The following DPYS variants were observed in gnomAD, a reference collection of about 807,000 sequenced individuals.
DPYS encodes dihydropyrimidinase.
DPYS carries 39 observed loss-of-function variants against 50.3 expected under a neutral mutation model. The observed-to-expected ratio is 0.78, with a 90% CI of 0.60 to 1.01. DPYS has a LOEUF of 1.01. Among genes scored for constraint, DPYS ranks in the 50% least tolerant of loss-of-function variants. DPYS has a pLI of 0.00. For missense variants in DPYS, 659 were observed against 680.9 expected, an observed-to-expected ratio of 0.97 and a Z score of 0.36; for synonymous variants, 245 against 250.7, an observed-to-expected ratio of 0.98 and a Z score of 0.22.
chr8:104,417,216 G>T (rs1812397938), intron 7 of DPYS, among the ~76,000 whole-genome samples: 1 of 152,230 alleles, frequency 6.6e-6, no homozygotes, highest in Non-Finnish European at 1.5e-5. Flanking sequence ...CTGTGTGTTT[G>T]TGTGCTTGAG....
chr8:104,458,794 T>C (rs545136683), intron 1 of DPYS, among the ~76,000 whole-genome samples: 51 of 152,344 alleles, frequency 3.3e-4, no homozygotes, highest in Non-Finnish European at 5.7e-4. Flanking sequence ...TCTATGAACA[T>C]GTTAATATGG....
At chr8:104,411,907 T>A (rs1041170474) in intron 7 of DPYS, 1 of 151,320 alleles carries the variant, frequency 6.6e-6, no homozygotes, top group East Asian at 1.9e-4. Context: ...AACCTCAGCA[T>A]AAAAAAAAAT....
At chr8:104,380,939 T>C in intron 9 of DPYS, 2 of 437,186 alleles carry the variant, frequency 4.6e-6, no homozygotes, top group South Asian at 4.4e-5. Flanking sequence ...TAGTTGATTA[T>C]CCAAGGCTGT....
intron 7 of DPYS, among the ~76,000 whole-genome samples, chr8:104,409,416 C>G (rs2140567245): frequency 6.6e-6 from 1 of 151,962 alleles, no homozygotes; most frequent in East Asian, 2.0e-4. Flanking sequence ...ACTAGGGAGG[C>G]AGAGATTGCA....
chr8:104,435,501 T>TG (rs1813107652), intron 4 of DPYS, among the ~76,000 whole-genome samples: 1 of 151,610 alleles, frequency 6.6e-6, no homozygotes, highest in Non-Finnish European at 1.5e-5. Flanking sequence ...TTTTTCCCAT[T>TG]GAAAGTAATG....
In DPYS at chr8:104,444,416, G is replaced by C. The variant is rs1355771541; in HGVS notation, c.625C>G (p.Leu209Val). 3.7e-6 allele frequency: 6 copies of C among 1,614,084 alleles called. No homozygotes were observed. Among genetic ancestry groups the C allele is most frequent in the Non-Finnish European group, 5.1e-6 (6 of 1,180,048 alleles). ...IAEGAKKMLA[L>V]GITGPEGHEL... ...TGGCCCTCAGGGCCTGTTATCCCCA[G>C]AGCCAACATCTTCTTTGCTCCCTAA... is the stretch of plus-strand genomic sequence containing the variant. Residue 209 changes from leucine (L) to valine (V), a missense_variant, in exon 4 of 10, where the codon CTG becomes GTG. Coordinates refer to ENST00000351513, the MANE Select transcript of DPYS (RefSeq NM_001385.3).
chr8:104,435,583 A>C (rs2140670257), intron 4 of DPYS, among the ~76,000 whole-genome samples: 1 of 152,046 alleles, frequency 6.6e-6, no homozygotes, highest in African/African-American at 2.4e-5. Context: ...TTAAGCATGA[A>C]ATGGGCATTC....
rs747270672 is a variant in DPYS at position 104,444,262 on chromosome 8, T to A, written c.779A>T (p.Asp260Val). ...MSKSAAKVIADARRDGKVVYG... is the reference protein window; with the variant it reads ...MSKSAAKVIAVARRDGKVVYG... Reference sequence around the variant, plus strand: ...TCGAGAATTACCATCTCTCCTTGCATCCGCTATCACCTTAGCTGCAGACTT... The same window carrying A: ...TCGAGAATTACCATCTCTCCTTGCAACCGCTATCACCTTAGCTGCAGACTT... Residue 260 changes from aspartate (D) to valine (V), a missense_variant, in exon 4 of 10, where the codon GAT becomes GTT. By Grantham distance (152) the Asp-to-Val change is radical (BLOSUM62 -3). Coordinates refer to ENST00000351513, the MANE Select transcript of DPYS (RefSeq NM_001385.3). The A allele has an allele frequency of 2.5e-6, 4 of 1,614,106 alleles. No individual in the cohort carries two copies. The highest frequency in any genetic ancestry group is 3.4e-6 in the Non-Finnish European group (4 of 1,180,052).
intron 8 of DPYS, among the ~76,000 whole-genome samples, chr8:104,389,690 G>A (rs748420873): frequency 6.6e-6 from 1 of 151,910 alleles, no homozygotes; most frequent in Non-Finnish European, 1.5e-5. Flanking sequence ...CTGTAAAATG[G>A]GAACAATAAT....
chr8:104,417,608 A>G (rs1172570575), intron 7 of DPYS, among the ~76,000 whole-genome samples: 5 of 144,576 alleles, frequency 3.5e-5, no homozygotes, highest in Admixed American at 6.8e-5. Context: ...GTAGTGAAGC[A>G]GTAGGACACA....
chr8:104,397,728 T>C (rs1035574997), intron 7 of DPYS, among the ~76,000 whole-genome samples: 6 of 152,218 alleles, frequency 3.9e-5, no homozygotes, highest in Admixed American at 6.5e-5. Context: ...ATTTCCAAGA[T>C]GATAATGCTG....
chr8:104,410,952 C>G (rs1312707079), intron 7 of DPYS, among the ~76,000 whole-genome samples: 1 of 152,114 alleles, frequency 6.6e-6, no homozygotes, highest in Non-Finnish European at 1.5e-5. Flanking sequence ...TGCAAAGCCC[C>G]TTCCCAAGCC....
At chr8:104,409,003 G>A (rs1009943133) in intron 7 of DPYS, among the ~76,000 whole-genome samples, 3 of 151,550 alleles carry the variant, frequency 2.0e-5, no homozygotes, top group Non-Finnish European at 4.4e-5. Context: ...TAGTAGAGAC[G>A]AGGTTTCACC....
intron 1 of DPYS, among the ~76,000 whole-genome samples, chr8:104,461,156 G>T (rs1051439488): frequency 3.3e-5 from 5 of 150,876 alleles, no homozygotes; most frequent in African/African-American, 9.7e-5. Context: ...AGCTGGGCAT[G>T]GTGGCGTGCA....
At chr8:104,423,965 C>T (rs1218062878) in intron 7 of DPYS, 2 of 984,372 alleles carry the variant, frequency 2.0e-6, no homozygotes, top group African/African-American at 3.5e-5. Context: ...TCCATGTGAA[C>T]TCGGGCATTT....
intron 2 of DPYS, among the ~76,000 whole-genome samples, chr8:104,448,412 T>C (rs1028457039): frequency 2.6e-4 from 40 of 152,240 alleles, no homozygotes; most frequent in African/African-American, 9.6e-4. Flanking sequence ...CTCCTTGGCC[T>C]CCCAAAGTGC....
chr8:104,389,919 T>G (rs1317380), intron 8 of DPYS, among the ~76,000 whole-genome samples: 53,554 of 152,044 alleles, frequency 0.35, 12,357 homozygotes, highest in African/African-American at 0.65. Flanking sequence ...CATAAAAATT[T>G]CAGTTGGCAT....
At chr8:104,440,805 A>G (rs1010931484) in intron 4 of DPYS, among the ~76,000 whole-genome samples, 4 of 152,108 alleles carry the variant, frequency 2.6e-5, no homozygotes, top group African/African-American at 9.7e-5. Flanking sequence ...TGGGCTGGCA[A>G]TGGTATTTAC....
In DPYS at chr8:104,414,830, G is replaced by A. The variant is rs184415070; in HGVS notation, c.1235+9417C>T. ...TGGCCAGAATTAGAGATGAGTCTGA[G>A]TCCAAAAAACAGTGTTGTTTGACCC... On this transcript the variant is annotated intron_variant, in intron 7 of 9. Coordinates refer to ENST00000351513, the MANE Select transcript of DPYS (RefSeq NM_001385.3). 7.2e-5 allele frequency among the ~76,000 whole-genome samples: 11 copies of A among 152,310 alleles called. No homozygotes were observed. The East Asian group carries it at 1.7e-3, about 24-fold the overall frequency.
Sources: gnomAD v4.1 joint callset for allele counts (sites outside exome capture counted in the v4.1 genomes callset) on GRCh38, gnomAD v4.1.1 for gene constraint, MANE v1.5 for transcripts, NCBI Gene and HGNC (gene_info 2026-07-23, HGNC 2026-07-21) for gene names.